STK32B: variants seen among roughly 807,000 people sequenced by gnomAD.
STK32B encodes serine/threonine kinase 32B, also known as serine/threonine-protein kinase 32B.
STK32B carries 43 observed loss-of-function variants against 52.6 expected under a neutral mutation model. The observed-to-expected ratio is 0.82, with a 90% CI of 0.64 to 1.05. The LOEUF (loss-of-function observed/expected upper bound fraction) is 1.05, where lower values mean the gene tolerates loss of function less well. Ranked by LOEUF, STK32B falls within the 50% of genes least tolerant of loss-of-function variation. The pLI, the probability that STK32B is intolerant of heterozygous loss-of-function variation, is 0.00. For synonymous variants in STK32B, 238 were observed against 204.3 expected, an observed-to-expected ratio of 1.17 and a Z score of -1.41; for missense variants, 621 against 534.6, an observed-to-expected ratio of 1.16 and a Z score of -1.59.
Position 5,051,797 on chromosome 4 carries a change from C to G in STK32B, c.-67C>G. On this transcript the variant is annotated 5_prime_UTR_variant, in exon 1 of 12. Coordinates refer to ENST00000282908, the MANE Select transcript of STK32B (RefSeq NM_018401.3). ...GCCCCCGGCATCCCGCATCTCTGCG[C>G]GCGTCCCACATCCCGCATCCGGCAT... The G allele has an allele frequency of 1.3e-6, 2 of 1,550,374 alleles. No homozygotes were observed. The highest frequency in any genetic ancestry group is 1.7e-6 in the Non-Finnish European group (2 of 1,146,946).
At chr4:5,272,986 C>G (rs1269841835) in intron 3 of STK32B, among the ~76,000 whole-genome samples, 1 of 141,454 alleles carries the variant, frequency 7.1e-6, no homozygotes, top group Non-Finnish European at 1.5e-5. Context: ...ACAAAATTGA[C>G]AAATGGGATC....
intron 4 of STK32B, among the ~76,000 whole-genome samples, chr4:5,343,335 C>A (rs13140795): frequency 0.34 from 51,957 of 151,784 alleles, 11,506 homozygotes; most frequent in African/African-American, 0.63. Flanking sequence ...ACATTTTCTT[C>A]ATCCAGTCTA....
rs567665667 is a variant in STK32B at position 5,333,289 on chromosome 4, G to A, written c.434+1896G>A. 6.1e-3 allele frequency among the ~76,000 whole-genome samples: 927 copies of A among 152,322 alleles called. 19 individuals are homozygous for A. The highest frequency in any genetic ancestry group is 0.014 in the African/African-American group (601 of 41,560). On this transcript the variant is annotated intron_variant, in intron 4 of 11. Coordinates refer to ENST00000282908, the MANE Select transcript of STK32B (RefSeq NM_018401.3). ...CTGCATAAATGTCTTCTTTTGAGAA[G>A]TGTCTGTTCATGTCCTTTGCCCACT... is the stretch of plus-strand genomic sequence containing the variant.
intron 4 of STK32B, among the ~76,000 whole-genome samples, chr4:5,333,258 A>G (rs569003005): frequency 2.6e-5 from 4 of 151,666 alleles, no homozygotes; most frequent in Non-Finnish European, 4.4e-5. Flanking sequence ...GATGGTGAGC[A>G]TTTGGCTGCA....
chr4:5,121,625 G>C (rs998773410), intron 1 of STK32B, among the ~76,000 whole-genome samples: 1 of 152,194 alleles, frequency 6.6e-6, no homozygotes, highest in Non-Finnish European at 1.5e-5. Flanking sequence ...GAGCAGGTTT[G>C]ATCCACCAGG....
At chr4:5,190,354 CCT>C (rs761933221) in intron 3 of STK32B, among the ~76,000 whole-genome samples, 8 of 152,162 alleles carry the variant, frequency 5.3e-5, no homozygotes, top group Non-Finnish European at 1.2e-4. Context: ...TCACCAGACC[CCT>C]GTTAGGCTGG....
At chr4:5,085,615 C>T (rs896470194) in intron 1 of STK32B, among the ~76,000 whole-genome samples, 3 of 151,950 alleles carry the variant, frequency 2.0e-5, no homozygotes, top group African/African-American at 2.4e-5. Context: ...TGAAAATGGC[C>T]GAGTAAGGAA....
At chr4:5,495,655 C>G (rs1282237898) in intron 11 of STK32B, among the ~76,000 whole-genome samples, 3 of 152,100 alleles carry the variant, frequency 2.0e-5, no homozygotes, top group Non-Finnish European at 4.4e-5. Context: ...AGGCACTCTG[C>G]TTTTTAGAGT....
intron 4 of STK32B, among the ~76,000 whole-genome samples, chr4:5,333,670 G>T (rs1482616757): frequency 1.3e-5 from 2 of 152,172 alleles, no homozygotes; most frequent in Non-Finnish European, 2.9e-5. Context: ...GTAAGGAAGG[G>T]ATCCAGTTTC....
At chr4:5,479,096 GGTTTTTGTTT>G (rs1160162673) in intron 11 of STK32B, among the ~76,000 whole-genome samples, 4 of 146,680 alleles carry the variant, frequency 2.7e-5, no homozygotes, top group Non-Finnish European at 6.1e-5. Context: ...GTTTTTTGTT[GGTTTTTGTTT>G]GTTTGTTTTT....
intron 3 of STK32B, among the ~76,000 whole-genome samples, chr4:5,221,306 G>T (rs1396079522): frequency 6.6e-6 from 1 of 152,134 alleles, no homozygotes; most frequent in Non-Finnish European, 1.5e-5. Context: ...AATGCACTCA[G>T]TATTTTTAAT....
chr4:5,107,671 G>A (rs544718738), intron 1 of STK32B, among the ~76,000 whole-genome samples: 2 of 152,242 alleles, frequency 1.3e-5, no homozygotes, highest in African/African-American at 2.4e-5. Context: ...CTACCTCATC[G>A]TCTGCTATTT....
chr4:5,177,247 G>T (rs571460709), intron 3 of STK32B, among the ~76,000 whole-genome samples: 1 of 152,252 alleles, frequency 6.6e-6, no homozygotes, highest in African/African-American at 2.4e-5. Context: ...AGGAGAAGCC[G>T]GCACCTTCTT....
chr4:5,376,394 T>C (rs1735588446), intron 4 of STK32B, among the ~76,000 whole-genome samples: 1 of 151,872 alleles, frequency 6.6e-6, no homozygotes, highest in South Asian at 2.1e-4. Context: ...ACACTTTCTC[T>C]CTCTCTCTTT....
chr4:5,113,234 C>T (rs1402974266), intron 1 of STK32B, among the ~76,000 whole-genome samples: 2 of 152,156 alleles, frequency 1.3e-5, no homozygotes, highest in Non-Finnish European at 2.9e-5. Flanking sequence ...TCGTCTCTTT[C>T]ACCATGTGAG....
intron 6 of STK32B, among the ~76,000 whole-genome samples, chr4:5,436,786 C>T (rs1431925702): frequency 6.6e-6 from 1 of 152,156 alleles, no homozygotes; most frequent in African/African-American, 2.4e-5. Context: ...AGGGGTACTA[C>T]TGGGTGGTTG....
intron 3 of STK32B, among the ~76,000 whole-genome samples, chr4:5,182,255 C>A (rs1329791957): frequency 6.6e-6 from 1 of 152,176 alleles, no homozygotes; most frequent in African/African-American, 2.4e-5. Flanking sequence ...AGTCTTGAAC[C>A]TGTCAAAGTC....
chr4:5,219,749 C>T (rs566397025), intron 3 of STK32B, among the ~76,000 whole-genome samples: 1 of 152,232 alleles, frequency 6.6e-6, no homozygotes, highest in Admixed American at 6.5e-5. Flanking sequence ...AACCCCAGCT[C>T]ACTACTCCAC....
chr4:5,039,622 T>G, the STK32B span, among the ~76,000 whole-genome samples: 1 of 152,240 alleles, frequency 6.6e-6, no homozygotes, highest in South Asian at 2.1e-4. Context: ...AGTAAGTACA[T>G]AAACTTTTAA....
Sources: allele counts gnomAD v4.1 joint callset (sites outside exome capture counted in the v4.1 genomes callset), GRCh38; gene constraint gnomAD v4.1.1; transcripts MANE v1.5; gene names NCBI Gene and HGNC (gene_info 2026-07-23, HGNC 2026-07-21).